Variants in CNOT1 observed in about 807,000 individuals in gnomAD.
CNOT1 encodes CCR4-associated factor 1.
In CNOT1, 15 loss-of-function variants were observed where a neutral mutation model predicts 273.8. The ratio of observed to expected loss-of-function variants is 0.05; its 90% CI spans 0.04 to 0.08. CNOT1 has a LOEUF of 0.08. CNOT1 is among the 10% of genes least tolerant of loss of function. The pLI, the probability that CNOT1 is intolerant of heterozygous loss-of-function variation, is 1.00. For missense variants in CNOT1, 1,644 were observed against 2,912.2 expected (o/e 0.56, Z 10.02); for synonymous variants, 1,022 against 1,005.5 (o/e 1.02, Z -0.31).
chr16:58,536,967 C>T (rs202206586), intron 39 of CNOT1, 22 bp downstream of exon 39: 29 of 1,612,378 alleles, frequency 1.8e-5, no homozygotes, highest in Admixed American at 8.4e-5. Flanking sequence ...ATAAAAAGCA[C>T]CTTTCTTTCC....
chr16:58,527,497 A>G (rs2039635474), intron 44 of CNOT1, among the ~76,000 whole-genome samples: 1 of 152,176 alleles, frequency 6.6e-6, no homozygotes, highest in Non-Finnish European at 1.5e-5. Flanking sequence ...ACTGCACTCC[A>G]GCCTGGGTGA....
At chr16:58,627,062 T>C (rs181292963) in intron 1 of CNOT1, among the ~76,000 whole-genome samples, 9 of 152,188 alleles carry the variant, frequency 5.9e-5, no homozygotes, top group African/African-American at 2.2e-4. Flanking sequence ...AAAGACGTGT[T>C]TGTTATTACA....
chr16:58,524,621 T>C (rs765285943), intron 46 of CNOT1, among the ~76,000 whole-genome samples: 2 of 152,112 alleles, frequency 1.3e-5, no homozygotes, highest in South Asian at 4.1e-4. Context: ...CTAAAATATA[T>C]GTATGCAAAA....
At chr16:58,574,343 G>A (rs2041388984) in intron 16 of CNOT1, among the ~76,000 whole-genome samples, 1 of 151,482 alleles carries the variant, frequency 6.6e-6, no homozygotes, top group Non-Finnish European at 1.5e-5. Flanking sequence ...TAATTCAAAA[G>A]GCAAAGTAGT....
intron 1 of CNOT1, among the ~76,000 whole-genome samples, chr16:58,625,377 C>T (rs36107415): frequency 0.05 from 7,549 of 152,048 alleles, 254 homozygotes; most frequent in Middle Eastern, 0.088. Context: ...CCGGGCATGG[C>T]GGCGTGCGCC....
intron 1 of CNOT1, among the ~76,000 whole-genome samples, chr16:58,601,433 C>T (rs558259086): frequency 6.6e-6 from 1 of 152,094 alleles, no homozygotes; most frequent in Non-Finnish European, 1.5e-5. Flanking sequence ...CCAAGAACCA[C>T]TGAAACACAA....
rs763718983 is a variant in CNOT1 at position 58,582,776 on chromosome 16, T to C, written c.1044+17A>G. The C allele has an allele frequency of 2.4e-6, 3 of 1,272,466 alleles. No homozygotes were observed. The highest frequency in any genetic ancestry group is 4.6e-5 in the East Asian group (2 of 43,326). 78.8% of individuals were successfully genotyped at this position (1,272,466 alleles called of 1,614,324 possible). A position where few individuals can be genotyped will look rare whatever the true frequency, so the allele number is the denominator to read the frequency against. Reference sequence around the variant, plus strand: ...TTCAAATACCACAAATCAAAAATCATCATCACATATACTCACCAGTTCTTT... The same window carrying C: ...TTCAAATACCACAAATCAAAAATCACCATCACATATACTCACCAGTTCTTT... On this transcript the variant is annotated intron_variant, in intron 10 of 48. Transcript: ENST00000317147.
At chr16:58,594,801 T>C (rs1329234326) in intron 2 of CNOT1, among the ~76,000 whole-genome samples, 1 of 137,310 alleles carries the variant, frequency 7.3e-6, no homozygotes, top group Non-Finnish European at 1.6e-5. Context: ...TACTGTCTCA[T>C]TAAAAAAAAA....
chr16:58,557,997 C>A (rs915571330), intron 18 of CNOT1, among the ~76,000 whole-genome samples: 12 of 148,066 alleles, frequency 8.1e-5, no homozygotes, highest in African/African-American at 2.4e-4. Flanking sequence ...TCCCCCACTA[C>A]CCAAAAAACA....
chr16:58,610,744 G>A (rs1427631763), intron 1 of CNOT1, among the ~76,000 whole-genome samples: 2 of 151,958 alleles, frequency 1.3e-5, no homozygotes, highest in Non-Finnish European at 2.9e-5. Context: ...TCGGGAGGCT[G>A]AGGCAGGAGA....
chr16:58,587,715 G>C (rs963623834), intron 4 of CNOT1, 65 bp downstream of exon 4: 1 of 1,528,764 alleles, frequency 6.5e-7, no homozygotes, highest in Non-Finnish European at 8.9e-7. Context: ...ATGAGATCAA[G>C]GCTTAGGGAC....
intron 17 of CNOT1, among the ~76,000 whole-genome samples, chr16:58,559,445 T>C (rs2040755188): frequency 6.6e-6 from 1 of 152,152 alleles, no homozygotes; most frequent in Non-Finnish European, 1.5e-5. Flanking sequence ...GTATTAGAAA[T>C]TAGAAACGAA....
At chr16:58,549,199 A>C (rs2040365805) in intron 25 of CNOT1, among the ~76,000 whole-genome samples, 1 of 151,840 alleles carries the variant, frequency 6.6e-6, no homozygotes, top group Admixed American at 6.6e-5. Flanking sequence ...AAGTAAGAGA[A>C]CTGCTTGAAC....
At position 58,542,137 on chromosome 16, in the gene CNOT1, C is replaced by T. The variant is rs1405045830; in HGVS notation, c.4680+94G>A. ...TGTTTTCTCATAAACAATATTTAAC[C>T]CTGCTGTCCTAATTCCAGTAAGGAG... On this transcript the variant is annotated intron_variant, in intron 33 of 48. Coordinates refer to ENST00000317147, the MANE Select transcript of CNOT1 (RefSeq NM_016284.5). The T allele has an allele frequency of 3.5e-6, 5 of 1,429,748 alleles. No individual in the cohort carries two copies. The African/African-American group carries it at 5.8e-5, about 16-fold the overall frequency. 88.6% of individuals were successfully genotyped at this position (1,429,748 alleles called of 1,614,324 possible).
intron 1 of CNOT1, among the ~76,000 whole-genome samples, chr16:58,611,969 G>GT (rs2042918101): frequency 1.3e-5 from 2 of 152,092 alleles, no homozygotes; most frequent in Admixed American, 6.6e-5. Context: ...TTGCTCGTTT[G>GT]TTTTTTCCTT....
rs183783898 is a variant in CNOT1 at position 58,605,068 on chromosome 16, G to A, written c.-174-5557C>T. Among the ~76,000 whole-genome samples the A allele has an allele frequency of 9.9e-5, 15 of 152,148 alleles. No homozygotes were observed. In the East Asian group the frequency reaches 2.3e-3, roughly 23 times the overall value. On this transcript the variant is annotated intron_variant, in intron 1 of 48. Transcript: ENST00000317147. Reference sequence around the variant, plus strand: ...GGAGAATGGCATGAACCTGGGAGGCGGAGATTGCAGTGAGCCGAGATCGCG... The same window carrying A: ...GGAGAATGGCATGAACCTGGGAGGCAGAGATTGCAGTGAGCCGAGATCGCG...
In CNOT1 at chr16:58,526,054, A is replaced by G; in HGVS notation, c.6538T>C (p.Leu2180=). Residue 2180 remains leucine (L), a synonymous_variant, in exon 45 of 49, where the codon TTG becomes CTG. Coordinates refer to ENST00000317147, the MANE Select transcript of CNOT1 (RefSeq NM_016284.5). ...GVMPPQFKKD[L]DSYLKTRSPV... is the part of the protein sequence containing the mutation. ...GATCGAGTTTTAAGATAGGAATCCAAATCCTTTTTGAACTGAGGTGGCATT... is the reference window on the plus strand; with the variant it reads ...GATCGAGTTTTAAGATAGGAATCCAGATCCTTTTTGAACTGAGGTGGCATT... 1.2e-6 allele frequency: 2 copies of G among 1,614,084 alleles called. No individual in the cohort carries two copies. The highest frequency in any genetic ancestry group is 1.7e-6 in the Non-Finnish European group (2 of 1,179,972).
intron 18 of CNOT1, 58 bp from the exon 19 acceptor site, chr16:58,557,051 C>A: frequency 6.3e-7 from 1 of 1,583,958 alleles, no homozygotes; most frequent in South Asian, 1.1e-5. Flanking sequence ...TGATTTTATT[C>A]ACATCTCAGA....
chr16:58,579,354 C>T (rs2041574925), intron 12 of CNOT1, among the ~76,000 whole-genome samples: 1 of 152,118 alleles, frequency 6.6e-6, no homozygotes, highest in Admixed American at 6.5e-5. Flanking sequence ...GATTCTCAAT[C>T]ATAGAAATTT....
Sources: gnomAD v4.1 joint callset for allele counts (sites outside exome capture counted in the v4.1 genomes callset) on GRCh38, gnomAD v4.1.1 for gene constraint, MANE v1.5 for transcripts, NCBI Gene and HGNC (gene_info 2026-07-23, HGNC 2026-07-21) for gene names.